EPSTI1: variants seen among roughly 807,000 people sequenced by gnomAD.
EPSTI1 encodes the protein epithelial stromal interaction 1.
A neutral mutation model predicts 49.9 loss-of-function variants in EPSTI1; 66 were observed. The observed-to-expected ratio is 1.32, with a 90% confidence interval of 1.08 to 1.62. The LOEUF is 1.62. EPSTI1 is among the 40% of genes most tolerant of loss of function. The pLI is 0.00. For missense variants in EPSTI1, 394 were observed against 365.5 expected (o/e 1.08, Z -0.64); for synonymous variants, 137 against 130.7 (o/e 1.05, Z -0.33).
chr13:42,956,048 A>G (rs976671234), intron 5 of EPSTI1, among the ~76,000 whole-genome samples: 4 of 152,170 alleles, frequency 2.6e-5, no homozygotes, highest in African/African-American at 9.7e-5. Flanking sequence ...CTCGTTGGGG[A>G]CACAGACAAA....
intron 8 of EPSTI1, among the ~76,000 whole-genome samples, chr13:42,913,239 A>C (rs574070834): frequency 6.6e-6 from 1 of 152,302 alleles, no homozygotes; most frequent in South Asian, 2.1e-4. Context: ...ATGAGAACAC[A>C]TCAAATCTAC....
At chr13:42,978,065 A>G (rs577115976) in intron 1 of EPSTI1, among the ~76,000 whole-genome samples, 1 of 152,216 alleles carries the variant, frequency 6.6e-6, no homozygotes, top group Admixed American at 6.5e-5. Flanking sequence ...AGGCAGGAGA[A>G]TGGCGTGAAC....
chr13:42,924,163 G>C (rs1318563019), intron 7 of EPSTI1, among the ~76,000 whole-genome samples: 2 of 152,198 alleles, frequency 1.3e-5, no homozygotes, highest in Non-Finnish European at 2.9e-5. Flanking sequence ...ATATGGATGA[G>C]ACAGAATGAG....
intron 6 of EPSTI1, among the ~76,000 whole-genome samples, chr13:42,927,211 C>T (rs575690823): frequency 1.8e-4 from 27 of 152,152 alleles, no homozygotes; most frequent in Non-Finnish European, 3.1e-4. Context: ...AAATCCAAAC[C>T]ACCACCCCAA....
chr13:42,943,185 T>C (rs749319460), intron 6 of EPSTI1, among the ~76,000 whole-genome samples: 1 of 152,220 alleles, frequency 6.6e-6, no homozygotes, highest in Admixed American at 6.5e-5. Context: ...GCTATGCAGA[T>C]GGCTTGTCTC....
chr13:42,902,246 A>G (rs1395624117), intron 8 of EPSTI1, among the ~76,000 whole-genome samples: 2 of 138,502 alleles, frequency 1.4e-5, no homozygotes, highest in African/African-American at 5.0e-5. Flanking sequence ...TTTTTTTTTA[A>G]CATTCAATGT....
rs191952745 is a variant in EPSTI1 at position 42,922,626 on chromosome 13, C to T, written c.657+3710G>A. Among the ~76,000 whole-genome samples, 27 of 152,268 alleles carry T rather than the reference C, an allele frequency of 1.8e-4. No homozygotes were observed. In the South Asian group the frequency reaches 2.9e-3, roughly 16 times the overall value. ...TTTTGTTCTATTAGGTCACTACATT[C>T]GTGGTAATTTGTTACAGCAGCAAAG... On this transcript the variant is annotated intron_variant, in intron 7 of 10. Coordinates refer to ENST00000313624, the MANE Select transcript of EPSTI1 (RefSeq NM_033255.5). This position sits in a 1 kb window ranked among gnomAD's most constrained non-coding sequence, Gnocchi z 4.8.
intron 6 of EPSTI1, among the ~76,000 whole-genome samples, chr13:42,938,928 A>AAAAAAAAAG (rs2038658569): frequency 6.6e-6 from 1 of 150,726 alleles, no homozygotes; most frequent in East Asian, 1.9e-4. Flanking sequence ...AAAAAAAAAA[A>AAAAAAAAAG]AAAATCTGTT....
chr13:42,909,854 A>C (rs919901224), intron 8 of EPSTI1, among the ~76,000 whole-genome samples: 2 of 152,196 alleles, frequency 1.3e-5, no homozygotes, highest in African/African-American at 4.8e-5. Context: ...GAATAAATTC[A>C]AGAGATCTAT....
chr13:42,914,538 G>A (rs2037777100), intron 8 of EPSTI1, among the ~76,000 whole-genome samples: 1 of 152,158 alleles, frequency 6.6e-6, no homozygotes, highest in Admixed American at 6.5e-5. Context: ...ATGTTCAGAA[G>A]GGATTTTACA....
At chr13:42,981,557 C>A (rs1194035132) in intron 1 of EPSTI1, among the ~76,000 whole-genome samples, 1 of 152,224 alleles carries the variant, frequency 6.6e-6, no homozygotes, top group Non-Finnish European at 1.5e-5. Context: ...GCGTACCATA[C>A]TGAGGAATGG....
chr13:42,942,005 C>T (rs2038767912), intron 6 of EPSTI1, among the ~76,000 whole-genome samples: 2 of 152,194 alleles, frequency 1.3e-5, no homozygotes, highest in African/African-American at 4.8e-5. Context: ...ATATTAGAGA[C>T]AAATAGTTTT....
chr13:42,897,818 A>G (rs1435827063), intron 9 of EPSTI1, among the ~76,000 whole-genome samples: 1 of 152,210 alleles, frequency 6.6e-6, no homozygotes, highest in Non-Finnish European at 1.5e-5. Flanking sequence ...CCTATCAAGA[A>G]TCTAAATGGG....
intron 1 of EPSTI1, among the ~76,000 whole-genome samples, chr13:42,990,262 A>G (rs2040170541): frequency 6.6e-6 from 1 of 151,856 alleles, no homozygotes; most frequent in African/African-American, 2.4e-5. Context: ...AAATCTTTTC[A>G]GGAATCGCAA....
At chr13:42,971,336 T>C (rs1323170371) in intron 1 of EPSTI1, among the ~76,000 whole-genome samples, 1 of 152,198 alleles carries the variant, frequency 6.6e-6, no homozygotes, top group Non-Finnish European at 1.5e-5. Flanking sequence ...GCTTGATTGA[T>C]GTGTATTCCA....
In EPSTI1 at chr13:42,922,381, G is replaced by A. The variant is rs574793006; in HGVS notation, c.657+3955C>T. ...AGGTGGGCCCATTGTAATCAAAAGGGTCATTATAAGAGGAAGGCAGAAAGG... is the reference window on the plus strand; with the variant it reads ...AGGTGGGCCCATTGTAATCAAAAGGATCATTATAAGAGGAAGGCAGAAAGG... On this transcript the variant is annotated intron_variant, in intron 7 of 10. Coordinates refer to ENST00000313624, the MANE Select transcript of EPSTI1 (RefSeq NM_033255.5). The surrounding 1 kb of genome is among the most constrained non-coding windows in gnomAD (Gnocchi z 4.8). Among the ~76,000 whole-genome samples the A allele has an allele frequency of 2.0e-5, 3 of 152,266 alleles. No homozygotes were observed. In the East Asian group the frequency reaches 5.8e-4, roughly 29 times the overall value.
intron 1 of EPSTI1, among the ~76,000 whole-genome samples, chr13:42,975,658 C>T: frequency 6.6e-6 from 1 of 152,042 alleles, no homozygotes. Flanking sequence ...GGAGGTAATC[C>T]CACACTAAGA....
At chr13:42,964,203 G>T (rs1323744572) in intron 3 of EPSTI1, 64 bp from the exon 4 acceptor site, 32 of 1,266,592 alleles carry the variant, frequency 2.5e-5, no homozygotes, top group Non-Finnish European at 3.5e-5. Context: ...AGCCATCGAG[G>T]ACTAATTAAT....
chr13:42,963,791 A>G (rs1005338650), intron 4 of EPSTI1, among the ~76,000 whole-genome samples: 1 of 152,192 alleles, frequency 6.6e-6, no homozygotes, highest in Non-Finnish European at 1.5e-5. Context: ...AACATAGTAG[A>G]CTTTAAACTA....
Sources: allele counts gnomAD v4.1 joint callset (sites outside exome capture counted in the v4.1 genomes callset), GRCh38; gene constraint gnomAD v4.1.1; non-coding constraint Gnocchi (gnomAD v3.1); transcripts MANE v1.5; gene names NCBI Gene and HGNC (gene_info 2026-07-23, HGNC 2026-07-21).